The following IMMP2L variants were observed in gnomAD, a reference collection of about 807,000 sequenced individuals.
The protein encoded by IMMP2L is mitochondrial inner membrane protease subunit 2.
A neutral mutation model predicts 19.3 loss-of-function variants in IMMP2L; 18 were observed. The observed-to-expected ratio is 0.93, with a 90% confidence interval of 0.64 to 1.38. The LOEUF (loss-of-function observed/expected upper bound fraction) is 1.38, where lower values mean the gene tolerates loss of function less well. Among genes scored for constraint, IMMP2L ranks in the 40% most tolerant of loss-of-function variants. The probability of loss-of-function intolerance (pLI) is 0.00; values close to 1 mark genes in which losing one functional copy is unlikely to be tolerated. For missense variants in IMMP2L, 233 were observed against 218.2 expected (o/e 1.07, Z -0.43); for synonymous variants, 76 against 73.0 (o/e 1.04, Z -0.21).
intron 5 of IMMP2L, among the ~76,000 whole-genome samples, chr7:110,819,171 T>G (rs541051899): frequency 6.6e-6 from 1 of 152,144 alleles, no homozygotes; most frequent in Non-Finnish European, 1.5e-5. Context: ...GCAAAGGATT[T>G]GTGAACTTCC....
chr7:111,532,250 C>T (rs956332507), intron 1 of IMMP2L, among the ~76,000 whole-genome samples: 1 of 152,128 alleles, frequency 6.6e-6, no homozygotes, highest in African/African-American at 2.4e-5. Flanking sequence ...TACTTTGCTA[C>T]CTCACATTTT....
chr7:110,850,141 G>T (rs1806053885), intron 5 of IMMP2L, among the ~76,000 whole-genome samples: 1 of 151,766 alleles, frequency 6.6e-6, no homozygotes, highest in Non-Finnish European at 1.5e-5. Flanking sequence ...AAATAAATAA[G>T]AAAAAAGAGC....
chr7:110,813,513 G>A (rs1217332209), intron 5 of IMMP2L, among the ~76,000 whole-genome samples: 3 of 151,216 alleles, frequency 2.0e-5, no homozygotes, highest in Admixed American at 6.6e-5. Context: ...CAGTGGCCCT[G>A]ATCTCCCAGG....
At chr7:111,020,182 G>C (rs892243494) in intron 3 of IMMP2L, among the ~76,000 whole-genome samples, 2 of 149,220 alleles carry the variant, frequency 1.3e-5, no homozygotes, top group African/African-American at 4.9e-5. Flanking sequence ...TCAGGAGTTC[G>C]AGACCAGCCT....
Position 111,123,369 on chromosome 7 carries a change from A to C in IMMP2L, c.240-159804T>G. On this transcript the variant is annotated intron_variant, in intron 3 of 5. Transcript: ENST00000405709. The surrounding 1 kb of genome is among the most constrained non-coding windows in gnomAD (Gnocchi z 6.4). ...AGATTCTGATGATTGGGGAAAATCC[A>C]ATTATCAGAATCAAAGACATGAACT... 2 of 1,613,862 alleles carry C rather than the reference A, an allele frequency of 1.2e-6. No homozygotes were observed. The highest frequency in any genetic ancestry group is 1.7e-6 in the Non-Finnish European group (2 of 1,179,928).
chr7:110,949,306 C>A (rs1817557907), intron 4 of IMMP2L, among the ~76,000 whole-genome samples: 1 of 152,146 alleles, frequency 6.6e-6, no homozygotes, highest in Admixed American at 6.6e-5. Context: ...CATGTGGTTT[C>A]TAGCAATTCA....
At chr7:111,452,164 A>T (rs1457166132) in intron 3 of IMMP2L, among the ~76,000 whole-genome samples, 1 of 152,184 alleles carries the variant, frequency 6.6e-6, no homozygotes, top group African/African-American at 2.4e-5. Flanking sequence ...GCCTTACTTT[A>T]GTTTTTATCA....
At chr7:111,320,574 C>T (rs2130481244) in intron 3 of IMMP2L, among the ~76,000 whole-genome samples, 1 of 152,156 alleles carries the variant, frequency 6.6e-6, no homozygotes, top group Non-Finnish European at 1.5e-5. Flanking sequence ...TTACAAGGCC[C>T]TTGATAATCT....
intron 3 of IMMP2L, among the ~76,000 whole-genome samples, chr7:111,346,138 C>A (rs1827517899): frequency 6.6e-6 from 1 of 152,136 alleles, no homozygotes; most frequent in South Asian, 2.1e-4. Flanking sequence ...TAAGAACCAT[C>A]ATATGTAGTA....
chr7:111,320,571 G>A (rs968573524), intron 3 of IMMP2L, among the ~76,000 whole-genome samples: 1 of 151,910 alleles, frequency 6.6e-6, no homozygotes, highest in Non-Finnish European at 1.5e-5. Flanking sequence ...TGTTTACAAG[G>A]CCCTTGATAA....
chr7:111,099,745 T>A (rs1315656474), intron 3 of IMMP2L: 3 of 151,588 alleles, frequency 2.0e-5, no homozygotes, highest in Non-Finnish European at 3.0e-5. Flanking sequence ...AAAAAGAAAT[T>A]CAATTTTGAG....
intron 3 of IMMP2L, among the ~76,000 whole-genome samples, chr7:111,283,209 T>C (rs1177715824): frequency 6.6e-6 from 1 of 152,184 alleles, no homozygotes; most frequent in Non-Finnish European, 1.5e-5. Context: ...TACTCCTATG[T>C]AACCAATGGG....
rs75463686 is a variant in IMMP2L, at chr7:111,338,791, A to G, written c.239+148447T>C. 5.6e-3 allele frequency among the ~76,000 whole-genome samples: 848 copies of G among 152,266 alleles called. 8 individuals carry two copies. Among genetic ancestry groups the G allele is most frequent in the Middle Eastern group, 0.054 (16 of 294 alleles). On this transcript the variant is annotated intron_variant, in intron 3 of 5. Coordinates refer to ENST00000405709, the MANE Select transcript of IMMP2L (RefSeq NM_032549.4). ...TAATGAGAAAGAACTAGCAATAGAA[A>G]GAATTAGCAGGAATTCCACATTCTT...
At position 110,814,931 on chromosome 7, in the gene IMMP2L, T is replaced by C. The variant is rs1256325132; in HGVS notation, c.408+71662A>G. On this transcript the variant is annotated intron_variant, in intron 5 of 5. Coordinates refer to ENST00000405709, the MANE Select transcript of IMMP2L (RefSeq NM_032549.4). ...ATGTAGGTTTCAAAAATGAAACACA[T>C]GGTAGTTTTCTTTTAGAAACAAAAT... 2.6e-5 allele frequency among the ~76,000 whole-genome samples: 4 copies of C among 151,982 alleles called. No individual in the cohort carries two copies. The East Asian group carries it at 5.8e-4, about 22-fold the overall frequency.
intron 3 of IMMP2L, among the ~76,000 whole-genome samples, chr7:111,452,452 A>G (rs1839294131): frequency 6.6e-6 from 1 of 152,162 alleles, no homozygotes; most frequent in Non-Finnish European, 1.5e-5. Flanking sequence ...AATCCTTCAT[A>G]AGTAAGATTT....
At chr7:111,493,178 T>C (rs1309748867) in intron 2 of IMMP2L, among the ~76,000 whole-genome samples, 2 of 152,168 alleles carry the variant, frequency 1.3e-5, no homozygotes, top group Non-Finnish European at 2.9e-5. Flanking sequence ...TTGTGTCTCA[T>C]CAAGTTAGGC....
chr7:111,148,750 A>ATGTG (rs144054396), intron 3 of IMMP2L, among the ~76,000 whole-genome samples: 8 of 149,494 alleles, frequency 5.4e-5, no homozygotes, highest in Non-Finnish European at 8.9e-5. Context: ...ACATACGTGT[A>ATGTG]TGTGTGTGTG....
intron 3 of IMMP2L, among the ~76,000 whole-genome samples, chr7:111,478,056 A>T (rs1841866750): frequency 6.6e-6 from 1 of 152,160 alleles, no homozygotes; most frequent in South Asian, 2.1e-4. Flanking sequence ...GAATCTATTA[A>T]GATAATGCTT....
chr7:111,534,226 T>C (rs1847664308), intron 1 of IMMP2L, among the ~76,000 whole-genome samples: 1 of 152,102 alleles, frequency 6.6e-6, no homozygotes, highest in Non-Finnish European at 1.5e-5. Flanking sequence ...ATATTCAACA[T>C]ACCATTTTTA....
Sources: allele counts gnomAD v4.1 joint callset (sites outside exome capture counted in the v4.1 genomes callset), GRCh38; gene constraint gnomAD v4.1.1; non-coding constraint Gnocchi (gnomAD v3.1); transcripts MANE v1.5; gene names NCBI Gene and HGNC (gene_info 2026-07-23, HGNC 2026-07-21).